TFAP2E: variants seen among roughly 807,000 people sequenced by gnomAD.
TFAP2E encodes transcription factor AP-2-epsilon.
In TFAP2E, 30 loss-of-function variants were observed where a neutral mutation model predicts 37.9. The ratio of observed to expected loss-of-function variants is 0.79; its 90% CI spans 0.59 to 1.07. TFAP2E has a LOEUF of 1.07. TFAP2E is among the 50% of genes least tolerant of loss of function. TFAP2E has a pLI of 0.00. For missense variants in TFAP2E, 567 were observed against 637.9 expected (o/e 0.89, Z 1.20); for synonymous variants, 318 against 295.8 (o/e 1.08, Z -0.77).
At chr1:35,595,403 C>T (rs1161887895), downstream of TFAP2E, 1 of 147,262 alleles carries the variant, frequency 6.8e-6, no homozygotes, top group Non-Finnish European at 1.5e-5. Context: ...CTGATATGTC[C>T]AGCTGGACCA....
At chr1:35,575,355 G>A (rs557532907) in intron 3 of TFAP2E, among the ~76,000 whole-genome samples, 17 of 152,268 alleles carry the variant, frequency 1.1e-4, no homozygotes, top group Non-Finnish European at 2.2e-4. Flanking sequence ...CTGTTCCCAC[G>A]GAGTTGGGGA....
chr1:35,580,248 G>A (rs1649311116), intron 3 of TFAP2E, among the ~76,000 whole-genome samples: 1 of 152,104 alleles, frequency 6.6e-6, no homozygotes, highest in African/African-American at 2.4e-5. Context: ...GGCAGTTGAT[G>A]AGAAGGAAAC....
intron 6 of TFAP2E, among the ~76,000 whole-genome samples, chr1:35,592,889 C>T (rs1052453739): frequency 6.6e-6 from 1 of 152,174 alleles, no homozygotes; most frequent in Non-Finnish European, 1.5e-5. Flanking sequence ...GACGGCTCCA[C>T]CTCCATGACC....
chr1:35,575,028 C>G (rs1234507346), intron 3 of TFAP2E, 28 bp downstream of exon 3: 1 of 1,613,524 alleles, frequency 6.2e-7, no homozygotes, highest in African/African-American at 1.3e-5. Context: ...AGGGCAGAGC[C>G]CGGCGAGATG....
In TFAP2E at chr1:35,590,492, C is replaced by CTT; in HGVS notation, c.905-141_905-140insTT. 2 of 1,064,148 alleles carry CTT rather than the reference C, an allele frequency of 1.9e-6. No individual in the cohort carries two copies. The highest frequency in any genetic ancestry group is 2.5e-6 in the Non-Finnish European group (2 of 792,574). The allele number at this position is 1,064,148 out of a possible 1,614,324, so 65.9% of individuals were successfully genotyped here. On this transcript the variant is annotated intron_variant, in intron 5 of 6. Transcript: ENST00000373235. This position sits in a 1 kb window ranked among gnomAD's most constrained non-coding sequence, Gnocchi z 6.2. The stretch of plus-strand genomic sequence containing the variant: ...TGGGGCAATGGAATGGGGGCTGGAG[C>CTT]TGGGCTGGGAAGGAACATCAGAGGG...
At position 35,576,257 on chromosome 1, in the gene TFAP2E, G is replaced by C. The variant is rs555417351; in HGVS notation, c.562+1257G>C. Reference sequence around the variant, plus strand: ...AGCTGGGGGTTGGGTGGATGACTTGGAGTGTGTAGCAGGGAAGATGAGGCA... The same window carrying C: ...AGCTGGGGGTTGGGTGGATGACTTGCAGTGTGTAGCAGGGAAGATGAGGCA... On this transcript the variant is annotated intron_variant, in intron 3 of 6. Transcript: ENST00000373235. Among the ~76,000 whole-genome samples, 3 of 152,322 alleles carry C rather than the reference G, an allele frequency of 2.0e-5. No homozygotes were observed. In the South Asian group the frequency reaches 6.2e-4, roughly 32 times the overall value.
chr1:35,577,801 G>A lies in TFAP2E; in HGVS notation c.562+2801G>A, dbSNP rs558135269. On this transcript the variant is annotated intron_variant, in intron 3 of 6. Coordinates refer to ENST00000373235, the MANE Select transcript of TFAP2E (RefSeq NM_178548.4). The surrounding 1 kb of genome is among the most constrained non-coding windows in gnomAD (Gnocchi z 6.3). The stretch of plus-strand genomic sequence containing the variant: ...AGGGGCGGCCAGGCGAAGCCCCGGC[G>A]CTTTACCACACACTTCCGGGTCCCA... 1.7e-5 allele frequency: 4 copies of A among 238,492 alleles called. No homozygotes were observed. The highest frequency in any genetic ancestry group is 4.8e-5 in the Admixed American group (1 of 20,720). The allele number at this position is 238,492 out of a possible 1,614,324, so 14.8% of individuals were successfully genotyped here. A position where few individuals can be genotyped will look rare whatever the true frequency, so the allele number is the denominator to read the frequency against.
In TFAP2E at chr1:35,594,569, T is replaced by G; in HGVS notation, c.1222T>G (p.Tyr408Asp). 6.2e-7 allele frequency: 1 copy of G among 1,614,176 alleles called. No homozygotes were observed. The highest frequency in any genetic ancestry group is 8.5e-7 in the Non-Finnish European group (1 of 1,180,036). The change falls in exon 7 of 7, where the codon TAT becomes GAT. Residue 408 changes from tyrosine (Y) to aspartate (D), a missense_variant. Physicochemically the swap from Tyr to Asp is radical, Grantham distance 160. Around this residue, in one of 3 missense-constraint regions of TFAP2E, gnomAD observed 252 missense variants for 302.6 expected, o/e 0.83. Coordinates refer to ENST00000373235, the MANE Select transcript of TFAP2E (RefSeq NM_178548.4). ...TGCTGCCCTCACTGCCTTCCAGAAC[T>G]ATTTGCTGGAGTCACTCAAGGGGCT... is the stretch of plus-strand genomic sequence containing the variant. ...ICAALTAFQN[Y>D]LLESLKGLDK... is the part of the protein sequence containing the mutation.
chr1:35,589,534 G>A (rs1431106506), intron 4 of TFAP2E, among the ~76,000 whole-genome samples: 1 of 151,942 alleles, frequency 6.6e-6, no homozygotes, highest in Non-Finnish European at 1.5e-5. Flanking sequence ...CCAGGTGGCT[G>A]TGTGTGTACC....
Position 35,590,528 on chromosome 1 carries a change from CAGGCAGGATG to C in TFAP2E, c.905-105_905-96del. On this transcript the variant is annotated intron_variant, in intron 5 of 6. Transcript: ENST00000373235. This position sits in a 1 kb window ranked among gnomAD's most constrained non-coding sequence, Gnocchi z 6.2. The stretch of plus-strand genomic sequence containing the variant: ...AGGAACATCAGAGGGGGCATCTACA[CAGGCAGGATG>C]GGGCAGGATACCCCTGACCAGGGGG... 7.5e-7 allele frequency: 1 copy of C among 1,329,250 alleles called. No homozygotes were observed. Among genetic ancestry groups the C allele is most frequent in the African/African-American group, 1.5e-5 (1 of 68,364 alleles). 82.3% of individuals were successfully genotyped at this position (1,329,250 alleles called of 1,614,324 possible). A position where few individuals can be genotyped will look rare whatever the true frequency, so the allele number is the denominator to read the frequency against.
At chr1:35,587,449 C>T (rs1219506759) in intron 3 of TFAP2E, among the ~76,000 whole-genome samples, 1 of 151,786 alleles carries the variant, frequency 6.6e-6, no homozygotes, top group Non-Finnish European at 1.5e-5. Context: ...ACCAGCCTGG[C>T]CAATATGGTG....
Position 35,588,613 on chromosome 1 carries a change from CA to C in TFAP2E, c.785+63del, listed in dbSNP as rs1316540947. On this transcript the variant is annotated intron_variant, in intron 4 of 6. Transcript: ENST00000373235. The surrounding 1 kb of genome is among the most constrained non-coding windows in gnomAD (Gnocchi z 5.1). ...GATCCCTGGCCTCTTCAGGCCTTCTCAAGGCATCAGAGAGGAGGCCAGTCTC... is the reference window on the plus strand; with the variant it reads ...GATCCCTGGCCTCTTCAGGCCTTCTCAGGCATCAGAGAGGAGGCCAGTCTC... The C allele has an allele frequency of 4.1e-6, 6 of 1,480,516 alleles. No homozygotes were observed. The Admixed American group carries it at 6.2e-5, about 15-fold the overall frequency. The allele number at this position is 1,480,516 out of a possible 1,614,324, so 91.7% of individuals were successfully genotyped here.
intron 6 of TFAP2E, among the ~76,000 whole-genome samples, chr1:35,592,965 A>C (rs781706368): frequency 6.6e-6 from 1 of 152,174 alleles, no homozygotes. Context: ...TCAACATACG[A>C]ATTTTGGGGA....
chr1:35,578,908 C>T (rs1649262453), intron 3 of TFAP2E, among the ~76,000 whole-genome samples: 1 of 150,248 alleles, frequency 6.7e-6, no homozygotes, highest in Admixed American at 6.6e-5. Flanking sequence ...GATGGTGAAA[C>T]CCCATCTCTA....
rs953888834 is a variant in TFAP2E at position 35,577,895 on chromosome 1, G to A, written c.562+2895G>A. On this transcript the variant is annotated intron_variant, in intron 3 of 6. Coordinates refer to ENST00000373235, the MANE Select transcript of TFAP2E (RefSeq NM_178548.4). The surrounding 1 kb of genome is among the most constrained non-coding windows in gnomAD (Gnocchi z 6.3). ...AGGCCGACCCTAGGAGTATAAGGGA[G>A]CCCTCCATTTCCTGCCCACATTTGT... 1.3e-5 allele frequency among the ~76,000 whole-genome samples: 2 copies of A among 152,208 alleles called. No homozygotes were observed. The highest frequency in any genetic ancestry group is 4.8e-5 in the African/African-American group (2 of 41,452).
intron 3 of TFAP2E, among the ~76,000 whole-genome samples, chr1:35,582,450 ATC>A (rs1434673072): frequency 1.4e-5 from 2 of 145,946 alleles, no homozygotes; most frequent in Admixed American, 6.8e-5. Context: ...TTTGTGGTTT[ATC>A]GTTTTCTTTT....
Position 35,574,324 on chromosome 1 carries a change from G to T in TFAP2E, c.425G>T (p.Gly142Val). The T allele has an allele frequency of 6.9e-7, 1 of 1,453,410 alleles. No homozygotes were observed. Among genetic ancestry groups the T allele is most frequent in the Non-Finnish European group, 9.0e-7 (1 of 1,112,112 alleles). 90.0% of individuals were successfully genotyped at this position (1,453,410 alleles called of 1,614,324 possible). The change falls in exon 2 of 7, where the codon GGC (glycine) becomes GTC (valine). Residue 142 changes from glycine (G) to valine (V), a missense_variant. Transcript: ENST00000373235. ...YATAVPRLLH[G>V]LADGAHGLAD... ...ACTGCCGTGCCCCGGCTCCTGCACG[G>T]CCTGGCCGACGGCGCGCACGGCCTG...
At chr1:35,580,138 A>G (rs1261387082) in intron 3 of TFAP2E, among the ~76,000 whole-genome samples, 1 of 152,032 alleles carries the variant, frequency 6.6e-6, no homozygotes, top group Non-Finnish European at 1.5e-5. Context: ...TGAACCCGGG[A>G]GGCGGAGGTT....
Position 35,573,673 on chromosome 1 carries a change from C to A in TFAP2E, c.27+69C>A. 1 of 1,513,716 alleles carries A rather than the reference C, an allele frequency of 6.6e-7. No homozygotes were observed. The highest frequency in any genetic ancestry group is 8.8e-7 in the Non-Finnish European group (1 of 1,130,580). 93.8% of individuals were successfully genotyped at this position (1,513,716 alleles called of 1,614,324 possible). On this transcript the variant is annotated intron_variant, in intron 1 of 6. Transcript: ENST00000373235. The surrounding 1 kb of genome is among the most constrained non-coding windows in gnomAD (Gnocchi z 5.9). ...GGCGCCTGAGTGCTGGACTTTCCAA[C>A]CCTCCTGTCCCGCGCTAACGAAATC...
Sources: allele counts gnomAD v4.1 joint callset (sites outside exome capture counted in the v4.1 genomes callset), GRCh38; gene constraint gnomAD v4.1.1; regional missense constraint gnomAD v4.1.1; non-coding constraint Gnocchi (gnomAD v3.1); transcripts MANE v1.5; gene names NCBI Gene and HGNC (gene_info 2026-07-23, HGNC 2026-07-21).